Variants in NFU1 observed in about 807,000 individuals in gnomAD.
NFU1 encodes the protein NFU1 iron-sulfur cluster scaffold.
NFU1 carries 30 observed loss-of-function variants against 32.2 expected under a neutral mutation model. That is an observed-to-expected ratio of 0.93 (90% CI 0.70 to 1.26). The LOEUF (loss-of-function observed/expected upper bound fraction) is 1.26. Ranked by LOEUF, NFU1 falls within the 50% of genes most tolerant of loss-of-function variation. The pLI is 0.00. For synonymous variants in NFU1, 112 were observed against 104.6 expected, an observed-to-expected ratio of 1.07 and a Z score of -0.43; for missense variants, 306 against 306.6, an observed-to-expected ratio of 1.00 and a Z score of 0.02.
rs1342397128 is a variant in NFU1, at chr2:69,410,343, C to G, written c.485-4261G>C. Among the ~76,000 whole-genome samples the G allele has an allele frequency of 3.3e-5, 5 of 152,022 alleles. No individual in the cohort carries two copies. In the East Asian group the frequency reaches 5.8e-4, roughly 18 times the overall value. ...GGTGGAGGTTGCAGTGAGCCGAGATCGCACCATTGCTCTCCAGCCTGGGCA... is the reference window on the plus strand; with the variant it reads ...GGTGGAGGTTGCAGTGAGCCGAGATGGCACCATTGCTCTCCAGCCTGGGCA... On this transcript the variant is annotated intron_variant, in intron 5 of 7. Transcript: ENST00000410022.
At chr2:69,436,096 G>A (rs1484184206) in intron 1 of NFU1, among the ~76,000 whole-genome samples, 2 of 152,060 alleles carry the variant, frequency 1.3e-5, no homozygotes, top group Non-Finnish European at 2.9e-5. Flanking sequence ...GTCATTATTT[G>A]TTAATATATT....
chr2:69,427,679 CAAAAAAAAAA>C (rs35639734), intron 2 of NFU1, among the ~76,000 whole-genome samples: 27 of 61,700 alleles, frequency 4.4e-4, no homozygotes, highest in Non-Finnish European at 6.5e-4. Context: ...CACTCAGTCT[CAAAAAAAAAA>C]AAAAAAAAAA....
At chr2:69,438,160 G>A (rs111369184), upstream of NFU1, among the ~76,000 whole-genome samples, 489 of 152,184 alleles carry the variant, frequency 3.2e-3, 4 homozygotes, top group African/African-American at 0.011. Flanking sequence ...AGAAATGCAC[G>A]TTAGAACATG....
chr2:69,419,440 A>T, intron 4 of NFU1, 98 bp downstream of exon 4: 1 of 685,704 alleles, frequency 1.5e-6, no homozygotes, highest in Non-Finnish European at 2.6e-6. Flanking sequence ...TATAAAAATT[A>T]AAGAACAGAA....
At chr2:69,405,608 G>A (rs1412516078) in intron 6 of NFU1, among the ~76,000 whole-genome samples, 1 of 152,148 alleles carries the variant, frequency 6.6e-6, no homozygotes, top group East Asian at 1.9e-4. Flanking sequence ...CTATTGGTCT[G>A]CTACAAGCAA....
chr2:69,407,446 G>A (rs1672731930), intron 5 of NFU1, among the ~76,000 whole-genome samples: 1 of 152,102 alleles, frequency 6.6e-6, no homozygotes, highest in Non-Finnish European at 1.5e-5. Context: ...GGAGGCTGAG[G>A]TAGGCACATC....
intron 1 of NFU1, among the ~76,000 whole-genome samples, chr2:69,432,510 G>C (rs1056515234): frequency 1.8e-4 from 27 of 151,882 alleles, no homozygotes; most frequent in African/African-American, 6.3e-4. Context: ...GGAGGCAGAG[G>C]TTGCAGTGAG....
At chr2:69,433,883 C>T (rs977164299) in intron 1 of NFU1, among the ~76,000 whole-genome samples, 3 of 151,992 alleles carry the variant, frequency 2.0e-5, no homozygotes, top group African/African-American at 7.3e-5. Context: ...AAGTGATTCT[C>T]CCACCTCAGC....
rs758146329 is a variant in NFU1 at position 69,432,019 on chromosome 2, C to A, written c.63-14G>T. ...ATATGACAGAACCTGCATTTAAAAG[C>A]ACATAATGAATGACATTTTAAGAGC... is the stretch of plus-strand genomic sequence containing the variant. On this transcript the variant is annotated splice_polypyrimidine_tract_variant and intron_variant, in intron 1 of 7. Transcript: ENST00000410022. 8 of 1,534,836 alleles carry A rather than the reference C, an allele frequency of 5.2e-6. No individual in the cohort carries two copies. Among genetic ancestry groups the A allele is most frequent in the Middle Eastern group, 1.7e-4 (1 of 5,940 alleles).
intron 3 of NFU1, among the ~76,000 whole-genome samples, chr2:69,422,743 G>A (rs1457715392): frequency 2.0e-5 from 3 of 149,786 alleles, no homozygotes; most frequent in African/African-American, 4.9e-5. Context: ...GGTCTCACTC[G>A]CTCGCCTAGG....
intron 3 of NFU1, among the ~76,000 whole-genome samples, chr2:69,422,867 C>A (rs549136036): frequency 1.3e-5 from 2 of 152,204 alleles, no homozygotes; most frequent in East Asian, 3.9e-4. Context: ...AGACACATAC[C>A]ACCACACTTG....
intron 2 of NFU1, among the ~76,000 whole-genome samples, chr2:69,425,358 ATTT>A (rs61546880): frequency 1.4e-5 from 2 of 142,956 alleles, no homozygotes; most frequent in Non-Finnish European, 3.0e-5. Context: ...TTTATTTTTA[ATTT>A]TTTTTTTTTT....
At chr2:69,406,200 A>G in intron 5 of NFU1, 118 bp from the exon 6 acceptor site, 4 of 665,634 alleles carry the variant, frequency 6.0e-6, no homozygotes, top group Non-Finnish European at 1.1e-5. Flanking sequence ...AACTATAGAA[A>G]GAACATGTAA....
intron 2 of NFU1, among the ~76,000 whole-genome samples, chr2:69,428,539 A>C (rs1481364485): frequency 6.6e-6 from 1 of 152,156 alleles, no homozygotes; most frequent in East Asian, 1.9e-4. Context: ...TTCAATACTT[A>C]CTATTTTTAT....
intron 4 of NFU1, among the ~76,000 whole-genome samples, chr2:69,418,275 G>A (rs1409218444): frequency 2.0e-5 from 3 of 152,004 alleles, no homozygotes; most frequent in African/African-American, 4.8e-5. Context: ...TGGTATGCAC[G>A]TATAGTCCCA....
chr2:69,413,774 C>T (rs1320595351), intron 5 of NFU1, among the ~76,000 whole-genome samples: 1 of 144,638 alleles, frequency 6.9e-6, no homozygotes, highest in African/African-American at 2.6e-5. Context: ...TAAGGCCGGG[C>T]ACGATGGCTC....
At chr2:69,400,650 G>A (rs1223710821) in intron 6 of NFU1, 112 bp from the exon 7 acceptor site, 1 of 909,346 alleles carries the variant, frequency 1.1e-6, no homozygotes, top group African/African-American at 1.7e-5. Flanking sequence ...CACAAAGTTA[G>A]AGCTACTTTT....
chr2:69,438,467 T>G (rs377253692), upstream of NFU1, among the ~76,000 whole-genome samples: 95 of 152,212 alleles, frequency 6.2e-4, 1 homozygote, highest in South Asian at 0.017. Flanking sequence ...GAGGTCTCCC[T>G]GTGTTGCCTG....
At chr2:69,438,321 T>C (rs1472694708), upstream of NFU1, among the ~76,000 whole-genome samples, 2 of 151,868 alleles carry the variant, frequency 1.3e-5, no homozygotes, top group East Asian at 1.9e-4. Context: ...AGTGCGATCA[T>C]AGCTCACCAA....
Sources: gnomAD v4.1 joint callset for allele counts (sites outside exome capture counted in the v4.1 genomes callset) on GRCh38, gnomAD v4.1.1 for gene constraint, MANE v1.5 for transcripts, NCBI Gene and HGNC (gene_info 2026-07-23, HGNC 2026-07-21) for gene names.